The following ABLIM3 variants were observed in gnomAD, a reference collection of about 807,000 sequenced individuals.
The protein encoded by ABLIM3 is actin binding LIM protein family member 3.
A neutral mutation model predicts 109.5 loss-of-function variants in ABLIM3; 61 were observed. The observed-to-expected ratio is 0.56, with a 90% CI of 0.45 to 0.69. ABLIM3 has a LOEUF of 0.69. ABLIM3 is among the 30% of genes least tolerant of loss of function. ABLIM3 has a pLI of 0.00. For synonymous variants in ABLIM3, 300 were observed against 324.8 expected, an observed-to-expected ratio of 0.92 and a Z score of 0.82; for missense variants, 796 against 889.5, an observed-to-expected ratio of 0.89 and a Z score of 1.34.
At chr5:149,160,606 G>T (rs776020814) in intron 2 of ABLIM3, among the ~76,000 whole-genome samples, 2 of 152,180 alleles carry the variant, frequency 1.3e-5, no homozygotes, top group Non-Finnish European at 2.9e-5. Flanking sequence ...CTTCCCTAGG[G>T]CATGGTGGGT....
chr5:149,175,201 C>G (rs937907821), intron 2 of ABLIM3, among the ~76,000 whole-genome samples: 1 of 152,172 alleles, frequency 6.6e-6, no homozygotes, highest in Non-Finnish European at 1.5e-5. Flanking sequence ...GCATTAAAAC[C>G]CATGACCAAG....
intron 6 of ABLIM3, among the ~76,000 whole-genome samples, chr5:149,209,708 G>C (rs140656476): frequency 2.6e-5 from 4 of 152,298 alleles, no homozygotes; most frequent in Non-Finnish European, 4.4e-5. Flanking sequence ...CTGATTGAGC[G>C]GGGGAGGAGG....
At chr5:149,185,835 C>T (rs1342545450) in intron 3 of ABLIM3, among the ~76,000 whole-genome samples, 4 of 152,128 alleles carry the variant, frequency 2.6e-5, no homozygotes, top group African/African-American at 7.2e-5. Flanking sequence ...AAGGAATCTA[C>T]GAAGGCTAAA....
At chr5:149,248,878 A>ACG (rs1491034210) in intron 18 of ABLIM3, among the ~76,000 whole-genome samples, 1 of 69,830 alleles carries the variant, frequency 1.4e-5, no homozygotes, top group Non-Finnish European at 4.9e-5. Flanking sequence ...ACACACACAC[A>ACG]CACACACACA....
Position 149,230,911 on chromosome 5 carries a change from C to T in ABLIM3, c.816+204C>T, listed in dbSNP as rs553341610. On this transcript the variant is annotated intron_variant, in intron 9 of 23. Coordinates refer to ENST00000309868, the MANE Select transcript of ABLIM3 (RefSeq NM_014945.5). ...TTAAGACATCGGATATGAAAGCACT[C>T]TGAAAACTGTAAAGCACTGTATTCA... Among the ~76,000 whole-genome samples, 14 of 152,300 alleles carry T rather than the reference C, an allele frequency of 9.2e-5. No homozygotes were observed. The South Asian group carries it at 2.5e-3, about 27-fold the overall frequency.
intron 5 of ABLIM3, among the ~76,000 whole-genome samples, chr5:149,205,033 C>T (rs1415823988): frequency 6.6e-6 from 1 of 152,178 alleles, no homozygotes; most frequent in East Asian, 1.9e-4. Context: ...TGTCTTTCTC[C>T]ATGGAATCCA....
intron 6 of ABLIM3, among the ~76,000 whole-genome samples, chr5:149,209,488 T>A (rs1048799547): frequency 6.6e-6 from 1 of 152,246 alleles, no homozygotes; most frequent in African/African-American, 2.4e-5. Flanking sequence ...CTCAGAGATC[T>A]GTGCTTAGCA....
chr5:149,247,220 C>T lies in ABLIM3; in HGVS notation c.1552-562C>T, dbSNP rs1753469237. On this transcript the variant is annotated intron_variant, in intron 17 of 23. Transcript: ENST00000309868. ...CACAAGGTCGCATATTGTGTGATTC[C>T]ATTTCCATGAAATATGCAGAATAGG... Among the ~76,000 whole-genome samples the T allele has an allele frequency of 3.3e-5, 5 of 152,314 alleles. No homozygotes were observed. In the South Asian group the frequency reaches 1.0e-3, roughly 32 times the overall value.
chr5:149,206,951 T>G, intron 5 of ABLIM3, 57 bp from the exon 6 acceptor site: 1 of 1,579,166 alleles, frequency 6.3e-7, no homozygotes. Flanking sequence ...GGGCCTGAGA[T>G]AGCGGGGGTT....
intron 12 of ABLIM3, 130 bp downstream of exon 12, chr5:149,239,407 G>A: frequency 9.8e-7 from 1 of 1,024,564 alleles, no homozygotes; most frequent in Non-Finnish European, 1.5e-6. Flanking sequence ...GGAAGTGCTG[G>A]AGAGACTCGG....
intron 2 of ABLIM3, among the ~76,000 whole-genome samples, chr5:149,159,620 G>T (rs533798958): frequency 6.6e-6 from 1 of 152,272 alleles, no homozygotes; most frequent in South Asian, 2.1e-4. Flanking sequence ...ACTAACTTGA[G>T]ATCTCAGCTC....
chr5:149,238,601 G>A (rs1349045413), intron 11 of ABLIM3, among the ~76,000 whole-genome samples: 1 of 152,224 alleles, frequency 6.6e-6, no homozygotes, highest in African/African-American at 2.4e-5. Context: ...TTTTGAAAAT[G>A]CAAACTAGTT....
chr5:149,208,707 G>T (rs556047236), intron 6 of ABLIM3, among the ~76,000 whole-genome samples: 8 of 152,166 alleles, frequency 5.3e-5, no homozygotes. Context: ...GACCCACAGG[G>T]ACCTCAACTG....
At chr5:149,253,114 C>T (rs762955890) in intron 23 of ABLIM3, among the ~76,000 whole-genome samples, 1 of 152,136 alleles carries the variant, frequency 6.6e-6, no homozygotes, top group Non-Finnish European at 1.5e-5. Flanking sequence ...TCTTTGCTGC[C>T]TCCTCTTCAA....
chr5:149,189,049 A>G (rs959066698), intron 3 of ABLIM3, among the ~76,000 whole-genome samples: 1 of 152,232 alleles, frequency 6.6e-6, no homozygotes, highest in Non-Finnish European at 1.5e-5. Flanking sequence ...ATATAAACAT[A>G]AACTTATATT....
chr5:149,225,982 G>GTATATA lies in ABLIM3; in HGVS notation c.758-4627_758-4622dup, dbSNP rs58844908. ...TATGTGTGTGTGTGTGTGTGTGTGT[G>GTATATA]TATATATATATATATATATATATAT... On this transcript the variant is annotated intron_variant, in intron 8 of 23. Transcript: ENST00000309868. 4.0e-3 allele frequency among the ~76,000 whole-genome samples: 182 copies of GTATATA among 45,444 alleles called. 2 individuals carry two copies. The highest frequency in any genetic ancestry group is 5.3e-3 in the Non-Finnish European group (134 of 25,080). 29.8% of individuals were successfully genotyped at this position (45,444 alleles called of 152,430 possible).
In ABLIM3 at chr5:149,210,741, C is replaced by G; in HGVS notation, c.591C>G (p.Tyr197Ter). The change falls in exon 7 of 24, where the codon TAC becomes TAG. Residue 197 changes from tyrosine (Y) to a stop codon, truncating the protein, a stop_gained. Coordinates refer to ENST00000309868, the MANE Select transcript of ABLIM3 (RefSeq NM_014945.5). LOFTEE classifies it high-confidence loss of function. ...GEYISKDGVPYCESDYHAQFG... is the reference protein window; with the variant it reads ...GEYISKDGVP ...CTTCTTGCAGGGATGGTGTTCCATA[C>G]TGTGAGTCCGACTACCATGCCCAGT... 1 of 1,614,074 alleles carries G rather than the reference C, an allele frequency of 6.2e-7. No individual in the cohort carries two copies. Among genetic ancestry groups the G allele is most frequent in the Non-Finnish European group, 8.5e-7 (1 of 1,179,952 alleles).
intron 4 of ABLIM3, 107 bp from the exon 5 acceptor site, chr5:149,200,209 A>G (rs1473877555): frequency 1.1e-6 from 1 of 904,846 alleles, no homozygotes; most frequent in African/African-American, 1.6e-5. Context: ...GTGGTGCTCT[A>G]GAAGTCAAGC....
At chr5:149,254,518 G>C (rs1754256720) in intron 23 of ABLIM3, among the ~76,000 whole-genome samples, 1 of 152,184 alleles carries the variant, frequency 6.6e-6, no homozygotes, top group East Asian at 1.9e-4. Context: ...CACCCCTCAG[G>C]AAAAGCATAT....
Sources: allele counts gnomAD v4.1 joint callset (sites outside exome capture counted in the v4.1 genomes callset), GRCh38; gene constraint gnomAD v4.1.1; transcripts MANE v1.5; gene names NCBI Gene and HGNC (gene_info 2026-07-23, HGNC 2026-07-21).